Variants in UGT1A4 observed in about 807,000 individuals in gnomAD.
UGT1A4 encodes UDP-glucuronosyltransferase 1A4.
In UGT1A4, 32 loss-of-function variants were observed where a neutral mutation model predicts 41.1. That is an observed-to-expected ratio of 0.78 (90% CI 0.59 to 1.05). The LOEUF (loss-of-function observed/expected upper bound fraction) is 1.05, where lower values mean the gene tolerates loss of function less well. Ranked by LOEUF, UGT1A4 falls within the 50% of genes least tolerant of loss-of-function variation. UGT1A4 has a pLI of 0.00. For missense variants in UGT1A4, 748 were observed against 677.4 expected (o/e 1.10, Z -1.16); for synonymous variants, 283 against 265.1 (o/e 1.07, Z -0.66).
rs1030911458 is a variant in UGT1A4 at position 233,746,492 on chromosome 2, A to G, written c.868-20542A>G. Among the ~76,000 whole-genome samples, 6 of 151,536 alleles carry G rather than the reference A, an allele frequency of 4.0e-5. 1 individual carries two copies. Among genetic ancestry groups the G allele is most frequent in the African/African-American group, 1.5e-4 (6 of 40,956 alleles). ...CAGAAACACTTTCCATGGACATGTC[A>G]CTCTTTAGTAGCCCCCAAAGCAAGA... On this transcript the variant is annotated intron_variant, in intron 1 of 4. Coordinates refer to ENST00000373409, the MANE Select transcript of UGT1A4 (RefSeq NM_007120.3).
Position 233,772,549 on chromosome 2 carries a change from A to G in UGT1A4, c.1595A>G (p.Lys532Arg), listed in dbSNP as rs1196632178. Residue 532 changes from lysine to arginine, a missense_variant, in exon 5 of 5, where the codon AAG (lysine) becomes AGG (arginine). By Grantham distance (26) the Lys-to-Arg change is conservative (BLOSUM62 2). Coordinates refer to ENST00000373409, the MANE Select transcript of UGT1A4 (RefSeq NM_007120.3). ...CGAGTTAAGAAAGCCCACAAATCCA[A>G]GACCCATTGAGAAGTGGGTGGGAAA... ...KGRVKKAHKS[K>R]TH 6.2e-7 allele frequency: 1 copy of G among 1,614,094 alleles called. No individual in the cohort carries two copies. The highest frequency in any genetic ancestry group is 8.5e-7 in the Non-Finnish European group (1 of 1,179,962).
At chr2:233,766,771 C>A (rs71528513) in intron 1 of UGT1A4, among the ~76,000 whole-genome samples, 1 of 152,170 alleles carries the variant, frequency 6.6e-6, no homozygotes, top group Admixed American at 6.5e-5. Flanking sequence ...TGTACCTGTG[C>A]TTTTCTTTTG....
Position 233,768,378 on chromosome 2 carries a change from G to T in UGT1A4, c.1246G>T (p.Val416Phe). 6.2e-7 allele frequency: 1 copy of T among 1,614,156 alleles called. No homozygotes were observed. The highest frequency in any genetic ancestry group is 1.1e-5 in the South Asian group (1 of 91,088). ...ETKGAGVTLNVLEMTSEDLEN... is the reference protein window; with the variant it reads ...ETKGAGVTLNFLEMTSEDLEN... ...TAAGGGAGCTGGAGTGACCCTGAAT[G>T]TTCTGGAAATGACTTCTGAAGATTT... Residue 416 changes from valine (V) to phenylalanine (F), a missense_variant, in exon 4 of 5, where the codon GTT (valine) becomes TTT (phenylalanine). Transcript: ENST00000373409.
intron 4 of UGT1A4, 78 bp from the exon 5 acceptor site, chr2:233,772,184 T>C (rs1700476163): frequency 6.3e-7 from 1 of 1,591,636 alleles, no homozygotes; most frequent in East Asian, 2.3e-5. Context: ...GTAGTCTTCT[T>C]AAGCAGCCAT....
At position 233,719,691 on chromosome 2, in the gene UGT1A4, T is replaced by C. The variant is rs1369950674; in HGVS notation, c.867+4T>C. The stretch of plus-strand genomic sequence containing the variant: ...CAACGGGAAGCCACTATCTCAGGTC[T>C]GTATTGGTGCCTTCATCCAATCAAT... On this transcript the variant is annotated splice_donor_region_variant and intron_variant, in intron 1 of 4. Transcript: ENST00000373409. The C allele has an allele frequency of 6.2e-7, 1 of 1,614,102 alleles. No homozygotes were observed. Among genetic ancestry groups the C allele is most frequent in the East Asian group, 2.2e-5 (1 of 44,886 alleles).
intron 1 of UGT1A4, chr2:233,743,844 TGCGGTACGC>T: frequency 7.3e-7 from 1 of 1,367,272 alleles, no homozygotes; most frequent in Non-Finnish European, 9.8e-7. Context: ...AGCGCCAGCT[TGCGGTACGC>T]CTTCTTGATG....
At chr2:233,760,834 G>A in intron 1 of UGT1A4, 1 of 1,613,564 alleles carries the variant, frequency 6.2e-7, no homozygotes, top group Non-Finnish European at 8.5e-7. Flanking sequence ...GGAATTTGAG[G>A]CTACCCAGTG....
chr2:233,768,337 C>A lies in UGT1A4; in HGVS notation c.1205C>A (p.Ala402Glu). 1 of 1,614,128 alleles carries A rather than the reference C, an allele frequency of 6.2e-7. No individual in the cohort carries two copies. Among genetic ancestry groups the A allele is most frequent in the African/African-American group, 1.3e-5 (1 of 75,022 alleles). ...TTGTTTGGTGATCAGATGGACAATG[C>A]AAAGCGCATGGAGACTAAGGGAGCT... The part of the protein sequence containing the change: ...MPLFGDQMDN[A>E]KRMETKGAGV... The change falls in exon 4 of 5, where the codon GCA becomes GAA. Residue 402 changes from alanine to glutamate, a missense_variant. Coordinates refer to ENST00000373409, the MANE Select transcript of UGT1A4 (RefSeq NM_007120.3).
chr2:233,736,629 C>G (rs558858921), intron 1 of UGT1A4, among the ~76,000 whole-genome samples: 2 of 152,326 alleles, frequency 1.3e-5, no homozygotes, highest in South Asian at 2.1e-4. Flanking sequence ...CTTTTCTGCT[C>G]TAGTTTCCCC....
chr2:233,719,816 T>C (rs2076805774), intron 1 of UGT1A4, 129 bp downstream of exon 1: 21 of 1,580,710 alleles, frequency 1.3e-5, no homozygotes, highest in Non-Finnish European at 1.8e-5. Flanking sequence ...TTATAACAGA[T>C]AAACTGTTGA....
chr2:233,724,329 G>A (rs1291101719), intron 1 of UGT1A4, among the ~76,000 whole-genome samples: 36 of 143,834 alleles, frequency 2.5e-4, no homozygotes, highest in African/African-American at 9.0e-4. Context: ...GGCTGGCCAG[G>A]CGGGGGGCTG....
intron 1 of UGT1A4, chr2:233,721,762 T>C (rs1308091400): frequency 4.2e-6 from 2 of 475,048 alleles, no homozygotes; most frequent in Non-Finnish European, 8.4e-6. Context: ...ATCTAAATTG[T>C]TATATTTAGC....
intron 1 of UGT1A4, chr2:233,730,038 C>T (rs1559375450): frequency 6.2e-7 from 1 of 1,612,872 alleles, no homozygotes; most frequent in East Asian, 2.2e-5. Flanking sequence ...AGGCAAAACA[C>T]TTTTTAAAAA....
At chr2:233,745,894 T>G (rs1160883177) in intron 1 of UGT1A4, among the ~76,000 whole-genome samples, 1 of 150,898 alleles carries the variant, frequency 6.6e-6, no homozygotes, top group African/African-American at 2.5e-5. Context: ...TGGGGTGGCG[T>G]TTTTCAGGGA....
intron 1 of UGT1A4, among the ~76,000 whole-genome samples, chr2:233,739,478 C>A (rs945148386): frequency 2.6e-5 from 4 of 152,180 alleles, no homozygotes; most frequent in African/African-American, 9.7e-5. Context: ...ACCGTGGGAG[C>A]CCATTTCTGG....
chr2:233,733,512 C>T (rs1027549522), intron 1 of UGT1A4, among the ~76,000 whole-genome samples: 2 of 152,148 alleles, frequency 1.3e-5, no homozygotes, highest in African/African-American at 4.8e-5. Flanking sequence ...CAGTTTTAGG[C>T]ATGAAGGGAT....
At position 233,767,864 on chromosome 2, in the gene UGT1A4, A is replaced by G. The variant is rs748591879; in HGVS notation, c.1015A>G (p.Thr339Ala). 51 of 1,614,144 alleles carry G rather than the reference A, an allele frequency of 3.2e-5. No individual in the cohort carries two copies. Among genetic ancestry groups the G allele is most frequent in the Non-Finnish European group, 3.9e-5 (46 of 1,180,042 alleles). Residue 339 changes from threonine (T) to alanine (A), a missense_variant, in exon 3 of 5, where the codon ACT (threonine) becomes GCT (alanine). Transcript: ENST00000373409. ...CCCCTCCCAGGTCCTGTGGCGGTAC[A>G]CTGGAACCCGACCATCGAATCTTGC... ...KIPQTVLWRYTGTRPSNLANN... is the reference protein window; with the variant it reads ...KIPQTVLWRYAGTRPSNLANN...
chr2:233,729,069 G>A (rs983244934), intron 1 of UGT1A4: 166 of 1,611,318 alleles, frequency 1.0e-4, no homozygotes, highest in Non-Finnish European at 1.2e-4. Flanking sequence ...GATGAAGAAA[G>A]CAAATGTAGC....
chr2:233,724,298 C>A (rs1308100434), intron 1 of UGT1A4, among the ~76,000 whole-genome samples: 9 of 143,244 alleles, frequency 6.3e-5, no homozygotes, highest in South Asian at 2.4e-4. Context: ...CTGACCCCCC[C>A]ACCTCCCTCC....
Sources: gnomAD v4.1 joint callset for allele counts (sites outside exome capture counted in the v4.1 genomes callset) on GRCh38, gnomAD v4.1.1 for gene constraint, MANE v1.5 for transcripts, NCBI Gene and HGNC (gene_info 2026-07-23, HGNC 2026-07-21) for gene names.